Variants in CIAO3 observed in about 807,000 individuals in gnomAD.
CIAO3 encodes cytosolic iron-sulfur assembly component 3.
Under a neutral mutation model 51.5 loss-of-function variants are expected in CIAO3, and 45 were observed. That is an observed-to-expected ratio of 0.87 (90% confidence interval 0.69 to 1.12). CIAO3 has a LOEUF of 1.12. Among genes scored for constraint, CIAO3 ranks in the 50% most tolerant of loss-of-function variants. The pLI is 0.00. For missense variants in CIAO3, 668 were observed against 632.5 expected (o/e 1.06, Z -0.60); for synonymous variants, 314 against 269.3 (o/e 1.17, Z -1.63).
intron 9 of CIAO3, 84 bp downstream of exon 9, chr16:731,481 G>T: frequency 6.9e-7 from 1 of 1,440,476 alleles, no homozygotes; most frequent in Non-Finnish European, 9.2e-7. Flanking sequence ...ACCTCTGTGG[G>T]AGGACCCCAG....
At chr16:734,445 C>T (rs1041881246) in intron 5 of CIAO3, 98 bp from the exon 6 acceptor site, 3 of 911,574 alleles carry the variant, frequency 3.3e-6, no homozygotes, top group African/African-American at 3.3e-5. Context: ...CCCGCTCATA[C>T]AGGAGATCAT....
At chr16:733,725 G>C (rs2041308250) in intron 6 of CIAO3, 1 of 432,854 alleles carries the variant, frequency 2.3e-6, no homozygotes, top group Admixed American at 3.7e-5. Flanking sequence ...CAGCAGCCGG[G>C]GAAACGGATG....
At position 737,261 on chromosome 16, in the gene CIAO3, G is replaced by T; in HGVS notation, c.231C>A (p.Cys77Ter). 1 of 1,613,512 alleles carries T rather than the reference G, an allele frequency of 6.2e-7. No individual in the cohort carries two copies. The highest frequency in any genetic ancestry group is 8.5e-7 in the Non-Finnish European group (1 of 1,180,018). Reference sequence around the variant, plus strand: ...TAAGCACGGTCTCTGCGGAGGTGATGCAGCCGCTGCACGCCAGGCAGTCGT... The same window carrying T: ...TAAGCACGGTCTCTGCGGAGGTGATTCAGCCGCTGCACGCCAGGCAGTCGT... ...SLNDCLACSG[C>*]ITSAETVLIT... The change falls in exon 3 of 11, where the codon TGC (cysteine) becomes TGA (stop). Residue 77 changes from cysteine to a stop codon, truncating the protein, a stop_gained. Coordinates refer to ENST00000251588, the MANE Select transcript of CIAO3 (RefSeq NM_022493.3). LOFTEE classifies it high-confidence loss of function. The surrounding 1 kb of genome is among the most constrained non-coding windows in gnomAD (Gnocchi z 5.3).
At chr16:732,075 A>C in intron 8 of CIAO3, 1 of 570,070 alleles carries the variant, frequency 1.8e-6, no homozygotes, top group Non-Finnish European at 3.1e-6. Flanking sequence ...ATGAGGTTTC[A>C]CCATGTTGGC....
In CIAO3 at chr16:739,667, GTCA is replaced by G; in HGVS notation, c.135_137del (p.Asp46del). 1 of 1,614,110 alleles carries G rather than the reference GTCA, an allele frequency of 6.2e-7. No individual in the cohort carries two copies. On this transcript the variant is annotated inframe_deletion, in exon 2 of 11. Transcript: ENST00000251588. ...CTTGGTTAATTTGGAAGTAGCTCCC[GTCA>G]TCTTCAATGCGAATCTTGGCCACGC...
At position 740,993 on chromosome 16, in the gene CIAO3, G is replaced by A. The variant is rs781003524; in HGVS notation, c.-8C>T. ...GCTGAAGGGCGACGCCATGACGGCC[G>A]CACTGCCGCCGCGCGCAGGTGTCGC... On this transcript the variant is annotated 5_prime_UTR_variant, in exon 1 of 11. Transcript: ENST00000251588. The A allele has an allele frequency of 3.3e-6, 5 of 1,497,298 alleles. No individual in the cohort carries two copies. The highest frequency in any genetic ancestry group is 1.2e-5 in the South Asian group (1 of 81,256). The allele number at this position is 1,497,298 out of a possible 1,614,324, so 92.8% of individuals were successfully genotyped here.
At chr16:738,734 A>G (rs1249888002) in intron 2 of CIAO3, among the ~76,000 whole-genome samples, 2 of 150,912 alleles carry the variant, frequency 1.3e-5, no homozygotes, top group African/African-American at 4.9e-5. Context: ...TGCAGTCCCT[A>G]TCTCCCAGGT....
At chr16:731,793 C>T (rs906737454) in intron 8 of CIAO3, 91 bp from the exon 9 acceptor site, 45 of 1,412,718 alleles carry the variant, frequency 3.2e-5, no homozygotes, top group Non-Finnish European at 3.8e-5. Flanking sequence ...TGAGCGTTTG[C>T]ATTTCCAGGT....
chr16:732,203 G>A, intron 8 of CIAO3, 98 bp downstream of exon 8: 1 of 1,303,564 alleles, frequency 7.7e-7, no homozygotes, highest in Non-Finnish European at 1.1e-6. Flanking sequence ...TGGACGCCAA[G>A]ATGGGCTGCG....
At chr16:734,379 G>A in intron 5 of CIAO3, 32 bp from the exon 6 acceptor site, 1 of 1,517,166 alleles carries the variant, frequency 6.6e-7, no homozygotes. Context: ...GGGGCTGGCG[G>A]GGGCGCACGG....
In CIAO3 at chr16:739,680, C is replaced by A; in HGVS notation, c.125G>T (p.Arg42Leu). 2 of 1,614,136 alleles carry A rather than the reference C, an allele frequency of 1.2e-6. No homozygotes were observed. Among genetic ancestry groups the A allele is most frequent in the East Asian group, 2.2e-5 (1 of 44,886 alleles). ...GAAGTAGCTCCCGTCATCTTCAATG[C>A]GAATCTTGGCCACGCCACTTCCCGC... Reference protein sequence around the residue: ...KRAGSGVAKIRIEDDGSYFQI... With the variant: ...KRAGSGVAKILIEDDGSYFQI... The change falls in exon 2 of 11, where the codon CGC (arginine) becomes CTC (leucine). Residue 42 changes from arginine to leucine, a missense_variant. Transcript: ENST00000251588.
chr16:737,922 C>T lies in CIAO3; in HGVS notation c.163-593G>A. 1 of 1,182,084 alleles carries T rather than the reference C, an allele frequency of 8.5e-7. No homozygotes were observed. The highest frequency in any genetic ancestry group is 1.1e-6 in the Non-Finnish European group (1 of 938,466). 73.2% of individuals were successfully genotyped at this position (1,182,084 alleles called of 1,614,324 possible). A position where few individuals can be genotyped will look rare whatever the true frequency, so the allele number is the denominator to read the frequency against. On this transcript the variant is annotated intron_variant, in intron 2 of 10. Transcript: ENST00000251588. The surrounding 1 kb of genome is among the most constrained non-coding windows in gnomAD (Gnocchi z 5.3). ...CAAAACGCACCCAGCTCGAGCTCCC[C>T]CAACTTCTCCTGCAAAGGCAGGAAT...
intron 2 of CIAO3, chr16:738,035 C>A: frequency 9.0e-7 from 1 of 1,105,744 alleles, no homozygotes; most frequent in South Asian, 2.2e-5. Context: ...GGGAACCCCT[C>A]GCAGCCCAGC....
intron 1 of CIAO3, chr16:739,971 G>A: frequency 2.0e-6 from 3 of 1,480,416 alleles, no homozygotes; most frequent in Non-Finnish European, 2.7e-6. Context: ...GAAGGCCAGT[G>A]CTAACAGCGC....
In CIAO3 at chr16:737,076, C is replaced by CCCGCACGACGGACGTCGGCA; in HGVS notation, c.306+90_306+109dup. On this transcript the variant is annotated intron_variant, in intron 3 of 10. Transcript: ENST00000251588. This position sits in a 1 kb window ranked among gnomAD's most constrained non-coding sequence, Gnocchi z 5.3. The stretch of plus-strand genomic sequence containing the variant: ...CCAAGCCTCAAAAAGGCAGGCGCCA[C>CCCGCACGACGGACGTCGGCA]CCGCACGACGGACGTCGGCACCACA... 1 of 1,441,810 alleles carries CCCGCACGACGGACGTCGGCA rather than the reference C, an allele frequency of 6.9e-7. No individual in the cohort carries two copies. Among genetic ancestry groups the CCCGCACGACGGACGTCGGCA allele is most frequent in the South Asian group, 1.2e-5 (1 of 82,828 alleles). The allele number at this position is 1,441,810 out of a possible 1,614,324, so 89.3% of individuals were successfully genotyped here.
At chr16:734,643 C>A in intron 5 of CIAO3, 94 bp downstream of exon 5, 1 of 1,602,712 alleles carries the variant, frequency 6.2e-7, no homozygotes, top group Non-Finnish European at 8.5e-7. Flanking sequence ...CGTCTCCACC[C>A]CCCATGCCCC....
chr16:733,296 A>C lies in CIAO3; in HGVS notation c.823+2T>G. 1 of 1,613,240 alleles carries C rather than the reference A, an allele frequency of 6.2e-7. No homozygotes were observed. Among genetic ancestry groups the C allele is most frequent in the Non-Finnish European group, 8.5e-7 (1 of 1,179,898 alleles). On this transcript the variant is annotated splice_donor_variant, in intron 7 of 10. Coordinates refer to ENST00000251588, the MANE Select transcript of CIAO3 (RefSeq NM_022493.3). LOFTEE classifies it high-confidence loss of function. ...GCTCAGGGCCGCACGGCGTGACCGC[A>C]CCTGTTGTGAGGACACAGTCCACAT...
chr16:733,026 C>T (rs1248431802), intron 7 of CIAO3: 25 of 449,348 alleles, frequency 5.6e-5, no homozygotes, highest in Middle Eastern at 1.2e-3. Context: ...AGGCTGCATT[C>T]GAGAATCTCT....
Position 730,594 on chromosome 16 carries a change from CT to C in CIAO3, c.1253del (p.Gln418ArgfsTer92), listed in dbSNP as rs2061407014. ...CCATGCCGTACAGTCTCTCCACGTG[CT>C]GGAGGAGCTCTCTGCTGGGCCTGTC... The part of the protein sequence containing the change: ...APDRPSRELL[Q>X]HVERLYGMVR... On this transcript the variant is annotated frameshift_variant, in exon 11 of 11. Coordinates refer to ENST00000251588, the MANE Select transcript of CIAO3 (RefSeq NM_022493.3). LOFTEE classifies it low-confidence loss of function (END_TRUNC). 3 of 1,610,848 alleles carry C rather than the reference CT, an allele frequency of 1.9e-6. No homozygotes were observed. The highest frequency in any genetic ancestry group is 1.3e-5 in the African/African-American group (1 of 75,076).
Sources: gnomAD v4.1 joint callset for allele counts (sites outside exome capture counted in the v4.1 genomes callset) on GRCh38, gnomAD v4.1.1 for gene constraint, Gnocchi (gnomAD v3.1) non-coding constraint, MANE v1.5 for transcripts, NCBI Gene and HGNC (gene_info 2026-07-23, HGNC 2026-07-21) for gene names.